Variants in SLC22A3 observed in about 807,000 individuals in gnomAD.
The protein encoded by SLC22A3 is EMT organic cation transporter 3.
A neutral mutation model predicts 59.1 loss-of-function variants in SLC22A3; 51 were observed. The observed-to-expected ratio is 0.86, with a 90% CI of 0.69 to 1.09. SLC22A3 has a LOEUF of 1.09. Ranked by LOEUF, SLC22A3 falls within the 50% of genes least tolerant of loss-of-function variation. The probability of loss-of-function intolerance (pLI) is 0.00; values close to 1 mark genes in which losing one functional copy is unlikely to be tolerated. For synonymous variants in SLC22A3, 325 were observed against 292.0 expected (o/e 1.11, Z -1.15); for missense variants, 711 against 726.3 (o/e 0.98, Z 0.24).
At chr6:160,446,031 G>A (rs964955882) in intron 9 of SLC22A3, among the ~76,000 whole-genome samples, 1 of 152,208 alleles carries the variant, frequency 6.6e-6, no homozygotes, top group Admixed American at 6.5e-5. Context: ...GAGGAAAGCA[G>A]GAGGCCTAGG....
intron 1 of SLC22A3, among the ~76,000 whole-genome samples, chr6:160,358,640 CCCCA>C (rs1456605659): frequency 6.6e-6 from 1 of 152,194 alleles, no homozygotes; most frequent in Non-Finnish European, 1.5e-5. Flanking sequence ...TGAACAATCC[CCCCA>C]TCCGGGTGGC....
intron 5 of SLC22A3, among the ~76,000 whole-genome samples, chr6:160,433,878 C>T (rs933367393): frequency 6.6e-6 from 1 of 152,068 alleles, no homozygotes; most frequent in Non-Finnish European, 1.5e-5. Flanking sequence ...AGTCATAGCT[C>T]TCAGCAGAAG....
intron 1 of SLC22A3, among the ~76,000 whole-genome samples, chr6:160,382,959 G>A (rs1052667589): frequency 3.9e-5 from 6 of 152,106 alleles, no homozygotes; most frequent in African/African-American, 1.4e-4. Flanking sequence ...GCAAGAATAA[G>A]TGAAATTGAC....
intron 7 of SLC22A3, among the ~76,000 whole-genome samples, chr6:160,438,738 C>T (rs1189230193): frequency 6.6e-6 from 1 of 152,060 alleles, no homozygotes; most frequent in Non-Finnish European, 1.5e-5. Context: ...GTAATAAGTA[C>T]CACAAACTCA....
chr6:160,363,173 G>A (rs1785081758), intron 1 of SLC22A3, among the ~76,000 whole-genome samples: 1 of 152,266 alleles, frequency 6.6e-6, no homozygotes, highest in African/African-American at 2.4e-5. Flanking sequence ...AGGGGGCGAT[G>A]GTCCAGCAGG....
chr6:160,373,047 C>A (rs1785456944), intron 1 of SLC22A3, among the ~76,000 whole-genome samples: 1 of 152,180 alleles, frequency 6.6e-6, no homozygotes, highest in Admixed American at 6.5e-5. Context: ...TGTTCCCTTG[C>A]TGGCAAGGAC....
intron 5 of SLC22A3, among the ~76,000 whole-genome samples, chr6:160,417,573 A>C (rs1034425757): frequency 1.3e-5 from 2 of 152,178 alleles, no homozygotes; most frequent in African/African-American, 4.8e-5. Context: ...AGATTAAATT[A>C]CTGTTTGGAG....
chr6:160,363,879 G>A (rs1785110998), intron 1 of SLC22A3, among the ~76,000 whole-genome samples: 1 of 151,646 alleles, frequency 6.6e-6, no homozygotes, highest in Admixed American at 6.6e-5. Context: ...TTGCATCTGG[G>A]GTTCTCCCAG....
chr6:160,413,588 T>C (rs1412606899), intron 5 of SLC22A3, among the ~76,000 whole-genome samples: 2 of 152,190 alleles, frequency 1.3e-5, no homozygotes, highest in Non-Finnish European at 2.9e-5. Flanking sequence ...CATAGGTATC[T>C]CTGGAACTAT....
At chr6:160,400,984 G>GAAAAAAAAAAAAAAAAAAAAAACAA (rs1786755708) in intron 2 of SLC22A3, among the ~76,000 whole-genome samples, 1 of 78,558 alleles carries the variant, frequency 1.3e-5, no homozygotes, top group Non-Finnish European at 2.3e-5. Flanking sequence ...CTCCAAAACT[G>GAAAAAAAAAAAAAAAAAAAAAACAA]AAAAAAAAAA....
At chr6:160,440,887 C>A (rs1788514234) in intron 7 of SLC22A3, among the ~76,000 whole-genome samples, 1 of 152,064 alleles carries the variant, frequency 6.6e-6, no homozygotes, top group Non-Finnish European at 1.5e-5. Flanking sequence ...GGCAACTTGG[C>A]ATTTTCTGAA....
chr6:160,411,244 C>CT lies in SLC22A3; in HGVS notation c.975+405dup, dbSNP rs555716976. Among the ~76,000 whole-genome samples, 569 of 152,074 alleles carry CT rather than the reference C, an allele frequency of 3.7e-3. 1 individual carries two copies. Among genetic ancestry groups the CT allele is most frequent in the African/African-American group, 0.013 (523 of 41,478 alleles). On this transcript the variant is annotated intron_variant, in intron 5 of 10. Transcript: ENST00000275300. ...CATCTTGATTGTACAAACTGTAAAA[C>CT]TTTTTTTGACTTTTAATTTAAATCT...
chr6:160,450,774 C>T (rs1788924058), intron 10 of SLC22A3, among the ~76,000 whole-genome samples: 1 of 151,006 alleles, frequency 6.6e-6, no homozygotes, highest in Non-Finnish European at 1.5e-5. Flanking sequence ...TGCTGTGGCT[C>T]CAGCTGGTCC....
chr6:160,399,886 C>A (rs9457915), intron 2 of SLC22A3, among the ~76,000 whole-genome samples: 33 of 152,148 alleles, frequency 2.2e-4, no homozygotes, highest in African/African-American at 7.9e-4. Flanking sequence ...TTCAGCATCA[C>A]CCCGCACCCC....
intron 10 of SLC22A3, among the ~76,000 whole-genome samples, chr6:160,448,587 G>C (rs927775829): frequency 6.6e-6 from 1 of 152,008 alleles, no homozygotes; most frequent in Non-Finnish European, 1.5e-5. Flanking sequence ...GTTTTGGAGG[G>C]GGGTGTTTAA....
Position 160,348,482 on chromosome 6 carries a change from G to GT in SLC22A3, c.68dup (p.Leu23PhefsTer84). 1 of 1,552,166 alleles carries GT rather than the reference G, an allele frequency of 6.4e-7. No individual in the cohort carries two copies. Among genetic ancestry groups the GT allele is most frequent in the African/African-American group, 1.4e-5 (1 of 70,496 alleles). On this transcript the variant is annotated frameshift_variant, in exon 1 of 11. Coordinates refer to ENST00000275300, the MANE Select transcript of SLC22A3 (RefSeq NM_021977.4). LOFTEE classifies it high-confidence loss of function. The stretch of plus-strand genomic sequence containing the variant: ...AGTTCGGGCGCTTCCAGAGGCGCGT[G>GT]TTTTTGCTGCTGTGCCTGACGGGCG...
At chr6:160,446,404 T>G (rs1230593643) in intron 9 of SLC22A3, among the ~76,000 whole-genome samples, 1 of 152,224 alleles carries the variant, frequency 6.6e-6, no homozygotes, top group African/African-American at 2.4e-5. Flanking sequence ...AAAAGAGGTT[T>G]AATTGACTCA....
chr6:160,426,295 A>C (rs1787949046), intron 5 of SLC22A3: 10 of 985,406 alleles, frequency 1.0e-5, no homozygotes, highest in Non-Finnish European at 1.2e-5. Flanking sequence ...AAATTCCGAG[A>C]TGACAGTGGT....
At chr6:160,444,449 C>T (rs964015057) in intron 9 of SLC22A3, among the ~76,000 whole-genome samples, 2 of 152,162 alleles carry the variant, frequency 1.3e-5, no homozygotes, top group East Asian at 1.9e-4. Context: ...TTCATTGGCC[C>T]GATGCTAAAA....
Sources: gnomAD v4.1 joint callset for allele counts (sites outside exome capture counted in the v4.1 genomes callset) on GRCh38, gnomAD v4.1.1 for gene constraint, MANE v1.5 for transcripts, NCBI Gene and HGNC (gene_info 2026-07-23, HGNC 2026-07-21) for gene names.